Variants in PEAK1 observed in about 807,000 individuals in gnomAD.
PEAK1 encodes inactive tyrosine-protein kinase PEAK1.
PEAK1 carries 54 observed loss-of-function variants against 124.7 expected under a neutral mutation model. The ratio of observed to expected loss-of-function variants is 0.43; its 90% CI spans 0.35 to 0.54. The LOEUF is 0.54. Among genes scored for constraint, PEAK1 ranks in the 20% least tolerant of loss-of-function variants. PEAK1 has a pLI of 0.01. For synonymous variants in PEAK1, 719 were observed against 760.0 expected (o/e 0.95, Z 0.89); for missense variants, 2,046 against 2,134.5 (o/e 0.96, Z 0.82).
At chr15:77,270,966 A>C (rs2061999822) in intron 5 of PEAK1, among the ~76,000 whole-genome samples, 1 of 152,204 alleles carries the variant, frequency 6.6e-6, no homozygotes, top group Admixed American at 6.5e-5. Context: ...CGCACGGCAA[A>C]AGAAACTACC....
intron 2 of PEAK1, chr15:77,347,732 T>C: frequency 1.0e-6 from 1 of 974,468 alleles, no homozygotes; most frequent in Non-Finnish European, 1.2e-6. Context: ...AAACTCTTCC[T>C]AGGTTACAAA....
intron 5 of PEAK1, chr15:77,278,835 T>TTTC (rs944728846): frequency 1.1e-5 from 3 of 269,012 alleles, no homozygotes; most frequent in African/African-American, 4.8e-5. Context: ...TTTGTGGGTT[T>TTTC]TTTTTTTTTT....
intron 6 of PEAK1, among the ~76,000 whole-genome samples, chr15:77,237,410 T>C (rs2060169590): frequency 6.6e-6 from 1 of 151,192 alleles, no homozygotes; most frequent in Admixed American, 6.6e-5. Context: ...TTTTACTTTA[T>C]TTTATTCCTG....
chr15:77,295,370 C>T (rs941539370), intron 2 of PEAK1, among the ~76,000 whole-genome samples: 2 of 152,022 alleles, frequency 1.3e-5, no homozygotes, highest in African/African-American at 4.8e-5. Context: ...AAAAAAAATC[C>T]TTATAGACTA....
intron 2 of PEAK1, chr15:77,346,800 A>G (rs1403761898): frequency 2.0e-5 from 18 of 915,890 alleles, no homozygotes; most frequent in Non-Finnish European, 2.2e-5. Context: ...TGAAATGCCT[A>G]TTATGGCAGA....
At chr15:77,323,402 A>C (rs2065361797) in intron 2 of PEAK1, among the ~76,000 whole-genome samples, 1 of 152,140 alleles carries the variant, frequency 6.6e-6, no homozygotes, top group South Asian at 2.1e-4. Context: ...TCAGCCCAAA[A>C]TCTCCTTAAG....
rs117312463 is a variant in PEAK1 at position 77,219,338 on chromosome 15, T to C, written c.-115+33029A>G. 6.8e-3 allele frequency among the ~76,000 whole-genome samples: 1,034 copies of C among 152,214 alleles called. 4 individuals carry two copies. Among genetic ancestry groups the C allele is most frequent in the Non-Finnish European group, 0.011 (718 of 68,002 alleles). On this transcript the variant is annotated intron_variant, in intron 6 of 9. Coordinates refer to ENST00000682557, the MANE Select transcript of PEAK1 (RefSeq NM_001385026.1). ...TCTGAATTATCACAAAAAGATAAGA[T>C]TTTTAAAGTTATTTGGAGGGAGTGT...
chr15:77,313,378 T>C (rs183459147), intron 2 of PEAK1, among the ~76,000 whole-genome samples: 2 of 152,298 alleles, frequency 1.3e-5, no homozygotes, highest in Admixed American at 1.3e-4. Context: ...ACAAATTTCC[T>C]AGGCAGAATA....
chr15:77,337,565 C>T (rs577254114), intron 2 of PEAK1: 3 of 985,060 alleles, frequency 3.0e-6, no homozygotes, highest in East Asian at 2.3e-4. Flanking sequence ...AGATTCCACA[C>T]CAACAGAATT....
rs2065246773 is a variant in PEAK1 at position 77,321,952 on chromosome 15, A to G, written c.-602-35448T>C. ...GTCTCTCAGGCCACAGTGCAATCAA[A>G]CTAGAACTCAGGATTAAGAAACTCA... On this transcript the variant is annotated intron_variant, in intron 2 of 9. Coordinates refer to ENST00000682557, the MANE Select transcript of PEAK1 (RefSeq NM_001385026.1). 1.3e-5 allele frequency among the ~76,000 whole-genome samples: 2 copies of G among 152,220 alleles called. 1 individual carries two copies. Among genetic ancestry groups the G allele is most frequent in the South Asian group, 4.1e-4 (2 of 4,826 alleles).
At chr15:77,367,751 G>A (rs7162362) in intron 1 of PEAK1, among the ~76,000 whole-genome samples, 44,843 of 152,012 alleles carry the variant, frequency 0.29, 7,182 homozygotes, top group Middle Eastern at 0.38. Flanking sequence ...TTTATTTGGT[G>A]GTATTTTATT....
rs377353092 is a variant in PEAK1 at position 77,336,028 on chromosome 15, T to C, written c.-603+29135A>G. 11 of 985,344 alleles carry C rather than the reference T, an allele frequency of 1.1e-5. No homozygotes were observed. The East Asian group carries it at 3.4e-4, about 30-fold the overall frequency. 61.0% of individuals were successfully genotyped at this position (985,344 alleles called of 1,614,324 possible). A position where few individuals can be genotyped will look rare whatever the true frequency, so the allele number is the denominator to read the frequency against. On this transcript the variant is annotated intron_variant, in intron 2 of 9. Coordinates refer to ENST00000682557, the MANE Select transcript of PEAK1 (RefSeq NM_001385026.1). ...GTTAATAGACCCAGGTATCTCTGTG[T>C]CTTAATTTTTGAAGGTAAGATAACA...
At chr15:77,403,607 T>C in intron 1 of PEAK1, 2 of 923,676 alleles carry the variant, frequency 2.2e-6, no homozygotes, top group South Asian at 5.0e-5. Context: ...GATGTTCATA[T>C]ATCATACCCT....
At chr15:77,217,307 G>C (rs983140486) in intron 6 of PEAK1, among the ~76,000 whole-genome samples, 3 of 151,788 alleles carry the variant, frequency 2.0e-5, no homozygotes, top group Non-Finnish European at 2.9e-5. Context: ...ATGTGGAAAT[G>C]GTCCATTCAA....
intron 6 of PEAK1, among the ~76,000 whole-genome samples, chr15:77,246,616 T>C (rs2060601051): frequency 6.6e-6 from 1 of 152,234 alleles, no homozygotes; most frequent in South Asian, 2.1e-4. Context: ...TTGTAGATTA[T>C]CAGCACAGAT....
In PEAK1 at chr15:77,313,648, A is replaced by ATGTGTGTGTGTGTG. The variant is rs1220086755; in HGVS notation, c.-602-27145_-602-27144insCACACACACACACA. Among the ~76,000 whole-genome samples, 151 of 87,560 alleles carry ATGTGTGTGTGTGTG rather than the reference A, an allele frequency of 1.7e-3. 1 individual carries two copies. Among genetic ancestry groups the ATGTGTGTGTGTGTG allele is most frequent in the Non-Finnish European group, 2.9e-3 (122 of 41,390 alleles). 57.4% of individuals were successfully genotyped at this position (87,560 alleles called of 152,430 possible). A position where few individuals can be genotyped will look rare whatever the true frequency, so the allele number is the denominator to read the frequency against. On this transcript the variant is annotated intron_variant, in intron 2 of 9. Coordinates refer to ENST00000682557, the MANE Select transcript of PEAK1 (RefSeq NM_001385026.1). ...TGCCCAGTAATGTATGTATGTATGTATGTATGTGTGTGTGTGTGTGTGTGT... is the reference window on the plus strand; with the variant it reads ...TGCCCAGTAATGTATGTATGTATGTATGTGTGTGTGTGTGTGTATGTGTGTGTGTGTGTGTGTGT...
intron 8 of PEAK1, among the ~76,000 whole-genome samples, chr15:77,139,456 CAGT>C (rs2053599117): frequency 6.6e-6 from 1 of 152,102 alleles, no homozygotes; most frequent in Non-Finnish European, 1.5e-5. Flanking sequence ...ACTGGCAGTG[CAGT>C]AGGTTTGTTT....
chr15:77,408,089 A>G (rs1429028057), intron 1 of PEAK1, among the ~76,000 whole-genome samples: 2 of 151,062 alleles, frequency 1.3e-5, no homozygotes, highest in Non-Finnish European at 2.9e-5. Flanking sequence ...ATACACATAT[A>G]TACACACACA....
At chr15:77,398,852 T>C (rs1323428110) in intron 1 of PEAK1, among the ~76,000 whole-genome samples, 1 of 152,192 alleles carries the variant, frequency 6.6e-6, no homozygotes, top group Non-Finnish European at 1.5e-5. Flanking sequence ...CATGATCTTA[T>C]ATTTGGATAA....
Sources: gnomAD v4.1 joint callset for allele counts (sites outside exome capture counted in the v4.1 genomes callset) on GRCh38, gnomAD v4.1.1 for gene constraint, MANE v1.5 for transcripts, NCBI Gene and HGNC (gene_info 2026-07-23, HGNC 2026-07-21) for gene names.